The following SDK1 variants were observed in gnomAD, a reference collection of about 807,000 sequenced individuals.
SDK1 encodes sidekick cell adhesion molecule 1, also known as protein sidekick-1.
In SDK1, 157 loss-of-function variants were observed where a neutral mutation model predicts 245.5. The ratio of observed to expected loss-of-function variants is 0.64; its 90% CI spans 0.56 to 0.73. The LOEUF is 0.73. Ranked by LOEUF, SDK1 falls within the 30% of genes least tolerant of loss-of-function variation. The pLI is 0.00. For missense variants in SDK1, 3,583 were observed against 3,002.3 expected, an observed-to-expected ratio of 1.19 and a Z score of -4.52; for synonymous variants, 1,647 against 1,278.5, an observed-to-expected ratio of 1.29 and a Z score of -6.15.
At chr7:3,880,113 A>T (rs1354053175) in intron 5 of SDK1, among the ~76,000 whole-genome samples, 2 of 152,208 alleles carry the variant, frequency 1.3e-5, no homozygotes, top group African/African-American at 4.8e-5. Context: ...GATAGTAAGG[A>T]TGTCATTATG....
chr7:3,575,698 C>CT (rs1356238063), intron 1 of SDK1, among the ~76,000 whole-genome samples: 100 of 152,062 alleles, frequency 6.6e-4, no homozygotes, highest in African/African-American at 2.3e-3. Context: ...GGGGGATCAA[C>CT]TTATAAAGAG....
intron 14 of SDK1, among the ~76,000 whole-genome samples, chr7:3,996,383 A>G (rs1784701461): frequency 6.6e-6 from 1 of 152,242 alleles, no homozygotes; most frequent in African/African-American, 2.4e-5. Context: ...TCTTCCAGAA[A>G]AAACTGAAAT....
At chr7:3,757,643 C>G (rs1159288567) in intron 4 of SDK1, among the ~76,000 whole-genome samples, 2 of 152,152 alleles carry the variant, frequency 1.3e-5, no homozygotes, top group Non-Finnish European at 1.5e-5. Context: ...GTGCAGTACT[C>G]CCAAGCTCTC....
chr7:3,754,912 T>TC (rs1205589770), intron 4 of SDK1, among the ~76,000 whole-genome samples: 1 of 152,196 alleles, frequency 6.6e-6, no homozygotes, highest in African/African-American at 2.4e-5. Flanking sequence ...CTAATGTTCG[T>TC]TTGTTACGCC....
intron 5 of SDK1, among the ~76,000 whole-genome samples, chr7:3,837,665 A>G (rs1780056597): frequency 6.6e-6 from 1 of 152,220 alleles, no homozygotes; most frequent in Non-Finnish European, 1.5e-5. Flanking sequence ...GGTATGACCC[A>G]TGATCCAATA....
intron 4 of SDK1, among the ~76,000 whole-genome samples, chr7:3,676,492 A>G (rs1400636539): frequency 2.0e-5 from 3 of 151,516 alleles, no homozygotes; most frequent in South Asian, 4.2e-4. Context: ...CGCCCAGCTA[A>G]TTTTTTATAT....
At chr7:3,685,886 G>A (rs546830846) in intron 4 of SDK1, among the ~76,000 whole-genome samples, 4 of 151,738 alleles carry the variant, frequency 2.6e-5, no homozygotes, top group South Asian at 2.1e-4. Flanking sequence ...AAAATGGCAC[G>A]TTTAACATGC....
chr7:3,977,504 C>T (rs1050473288), intron 13 of SDK1, among the ~76,000 whole-genome samples: 3 of 152,220 alleles, frequency 2.0e-5, no homozygotes, highest in Non-Finnish European at 1.5e-5. Context: ...TTGGAGCCTA[C>T]GACCCTGGGT....
intron 1 of SDK1, among the ~76,000 whole-genome samples, chr7:3,497,162 C>G (rs1265703395): frequency 1.3e-5 from 2 of 152,124 alleles, no homozygotes; most frequent in Non-Finnish European, 2.9e-5. Context: ...AAGAGAAACT[C>G]TTTTTAGTTA....
intron 16 of SDK1, among the ~76,000 whole-genome samples, chr7:4,014,364 A>T (rs182246047): frequency 5.3e-5 from 8 of 152,298 alleles, no homozygotes; most frequent in African/African-American, 1.9e-4. Flanking sequence ...CATCTTCTGT[A>T]TTTGCAGGAG....
At chr7:3,685,214 TAAA>T (rs35896405) in intron 4 of SDK1, among the ~76,000 whole-genome samples, 1 of 148,932 alleles carries the variant, frequency 6.7e-6, no homozygotes, top group African/African-American at 2.5e-5. Context: ...AACATTAAGT[TAAA>T]AAAAAAAAGA....
chr7:3,908,803 T>G (rs1463180537), intron 5 of SDK1, among the ~76,000 whole-genome samples: 3 of 151,938 alleles, frequency 2.0e-5, no homozygotes, highest in Non-Finnish European at 2.9e-5. Context: ...GAAGCATTTT[T>G]GGGGGGACTT....
intron 30 of SDK1, 135 bp from the exon 31 acceptor site, chr7:4,158,313 T>A: frequency 1.5e-6 from 1 of 661,932 alleles, no homozygotes; most frequent in South Asian, 1.9e-5. Context: ...CTAAGCTGTC[T>A]CGGGCCCACA....
In SDK1 at chr7:3,580,996, C is replaced by CAAAAAAAAAAAAAA. The variant is rs1418335916; in HGVS notation, c.299-38080_299-38079insAAAAAAAAAAAAAA. ...AAAAAAAAAAAAAAAAAAAAAAAAC[C>CAAAAAAAAAAAAAA]AAAACAAAACCCTGGAAGACAATCT... is the stretch of plus-strand genomic sequence containing the variant. On this transcript the variant is annotated intron_variant, in intron 1 of 44. Transcript: ENST00000404826. Among the ~76,000 whole-genome samples the CAAAAAAAAAAAAAA allele has an allele frequency of 1.2e-3, 111 of 92,948 alleles. 21 individuals are homozygous for CAAAAAAAAAAAAAA. Among genetic ancestry groups the CAAAAAAAAAAAAAA allele is most frequent in the South Asian group, 4.0e-3 (9 of 2,274 alleles). The allele number at this position is 92,948 out of a possible 152,430, so 61.0% of individuals were successfully genotyped here. A position where few individuals can be genotyped will look rare whatever the true frequency, so the allele number is the denominator to read the frequency against.
intron 1 of SDK1, among the ~76,000 whole-genome samples, chr7:3,479,421 CAAAA>C (rs56094646): frequency 2.2e-3 from 144 of 66,590 alleles, no homozygotes; most frequent in South Asian, 9.0e-3. Flanking sequence ...GACTGTGTCT[CAAAA>C]AAAAAAAAAA....
At chr7:3,978,443 T>A (rs758309271) in intron 13 of SDK1, among the ~76,000 whole-genome samples, 1 of 152,356 alleles carries the variant, frequency 6.6e-6, no homozygotes, top group East Asian at 1.9e-4. Context: ...TCTCTAAATA[T>A]AGAAATCTCT....
intron 5 of SDK1, among the ~76,000 whole-genome samples, chr7:3,877,056 G>A (rs1218780176): frequency 1.3e-5 from 2 of 152,152 alleles, no homozygotes; most frequent in Non-Finnish European, 2.9e-5. Context: ...GGTGACGTGG[G>A]CATAGTTGAA....
chr7:3,730,043 C>T (rs568237497), intron 4 of SDK1, among the ~76,000 whole-genome samples: 3 of 151,980 alleles, frequency 2.0e-5, no homozygotes, highest in Non-Finnish European at 4.4e-5. Flanking sequence ...ATTATTCATT[C>T]TACAGATAGT....
chr7:3,326,407 C>T (rs1362144619), intron 1 of SDK1, among the ~76,000 whole-genome samples: 3 of 152,154 alleles, frequency 2.0e-5, no homozygotes, highest in South Asian at 2.1e-4. Context: ...CACTGTGAGT[C>T]ATAGTTTAGT....
Sources: gnomAD v4.1 joint callset for allele counts (sites outside exome capture counted in the v4.1 genomes callset) on GRCh38, gnomAD v4.1.1 for gene constraint, MANE v1.5 for transcripts, NCBI Gene and HGNC (gene_info 2026-07-23, HGNC 2026-07-21) for gene names.